PADI1: variants seen among roughly 807,000 people sequenced by gnomAD.
PADI1 encodes protein-arginine deiminase type-1.
PADI1 carries 65 observed loss-of-function variants against 74.8 expected under a neutral mutation model. That is an observed-to-expected ratio of 0.87 (90% CI 0.71 to 1.07). The LOEUF is 1.07. Among genes scored for constraint, PADI1 ranks in the 50% least tolerant of loss-of-function variants. The probability of loss-of-function intolerance (pLI) is 0.00; values close to 1 mark genes in which losing one functional copy is unlikely to be tolerated. For missense variants in PADI1, 943 were observed against 854.0 expected, an observed-to-expected ratio of 1.10 and a Z score of -1.30; for synonymous variants, 371 against 336.2, an observed-to-expected ratio of 1.10 and a Z score of -1.13.
chr1:17,224,501 C>A, intron 4 of PADI1, 73 bp downstream of exon 4: 1 of 1,128,908 alleles, frequency 8.9e-7, no homozygotes, highest in Non-Finnish European at 1.3e-6. Context: ...GTGGATTGTG[C>A]CCTCCCTCCA....
At chr1:17,208,295 G>C (rs943232604) in intron 1 of PADI1, among the ~76,000 whole-genome samples, 1 of 152,124 alleles carries the variant, frequency 6.6e-6, no homozygotes, top group African/African-American at 2.4e-5. Flanking sequence ...CTTGTGTTTG[G>C]GGTAATTGTG....
At chr1:17,233,319 C>T (rs2072548811) in intron 11 of PADI1, among the ~76,000 whole-genome samples, 1 of 152,136 alleles carries the variant, frequency 6.6e-6, no homozygotes, top group South Asian at 2.1e-4. Context: ...TACAGTCTGG[C>T]ACAGAGACAG....
At position 17,244,198 on chromosome 1, in the gene PADI1, G is replaced by C. The variant is rs766172402; in HGVS notation, c.1947G>C (p.Val649=). 6.2e-7 allele frequency: 1 copy of C among 1,614,216 alleles called. No individual in the cohort carries two copies. The highest frequency in any genetic ancestry group is 8.5e-7 in the Non-Finnish European group (1 of 1,180,038). The change falls in exon 16 of 16, where the codon GTG becomes GTC. Residue 649 remains valine, a synonymous_variant. Coordinates refer to ENST00000375471, the MANE Select transcript of PADI1 (RefSeq NM_013358.3). The stretch of plus-strand genomic sequence containing the variant: ...GGGAGATCCACTGTGGCACCAACGT[G>C]CGCAGGAAGCCCTTTCCCTTCAAAT... ...LQGEIHCGTN[V]RRKPFPFKWW...
At chr1:17,242,878 C>A (rs550820704) in intron 15 of PADI1, among the ~76,000 whole-genome samples, 1 of 152,158 alleles carries the variant, frequency 6.6e-6, no homozygotes, top group Admixed American at 6.5e-5. Flanking sequence ...GCCCTTTGCC[C>A]CCTGCATGCC....
intron 1 of PADI1, 28 bp from the exon 2 acceptor site, chr1:17,222,262 T>G (rs1431383851): frequency 1.3e-6 from 2 of 1,567,558 alleles, no homozygotes; most frequent in African/African-American, 2.7e-5. Context: ...GGAAGACTGG[T>G]TCTCTTCCCA....
chr1:17,215,396 GTCATCA>G (rs1341282249), intron 1 of PADI1, among the ~76,000 whole-genome samples: 1 of 135,366 alleles, frequency 7.4e-6, no homozygotes, highest in South Asian at 2.1e-4. Flanking sequence ...CATCATCATC[GTCATCA>G]TCATCATCAT....
rs376247619 is a variant in PADI1, at chr1:17,230,565, C to T, written c.1054-7C>T. On this transcript the variant is annotated splice_polypyrimidine_tract_variant and splice_region_variant and intron_variant, in intron 9 of 15. Transcript: ENST00000375471. Reference sequence around the variant, plus strand: ...TCACTGTGGCTTTTTCATCTCTCCCCTCCCAGGACGAGATGGAGTTTGGCT... The same window carrying T: ...TCACTGTGGCTTTTTCATCTCTCCCTTCCCAGGACGAGATGGAGTTTGGCT... 1.6e-5 allele frequency: 25 copies of T among 1,591,442 alleles called. No homozygotes were observed. Among genetic ancestry groups the T allele is most frequent in the Admixed American group, 5.3e-5 (3 of 56,672 alleles).
In PADI1 at chr1:17,238,060, G is replaced by A. The variant is rs568009937; in HGVS notation, c.1459-556G>A. On this transcript the variant is annotated intron_variant, in intron 12 of 15. Transcript: ENST00000375471. ...TATTTTGTTTGTTTTTTGTTTGTTT[G>A]TTTTTCGAGACAGAATCTTGCTCTG... Among the ~76,000 whole-genome samples, 229 of 152,222 alleles carry A rather than the reference G, an allele frequency of 1.5e-3. 2 individuals are homozygous for A. Among genetic ancestry groups the A allele is most frequent in the Middle Eastern group, 0.01 (3 of 290 alleles).
intron 15 of PADI1, among the ~76,000 whole-genome samples, chr1:17,241,245 G>A (rs1557486168): frequency 6.6e-6 from 1 of 152,216 alleles, no homozygotes; most frequent in African/African-American, 2.4e-5. Flanking sequence ...TAACAGGGCA[G>A]CTGACAAGGA....
chr1:17,209,457 T>C (rs1305251088), intron 1 of PADI1, among the ~76,000 whole-genome samples: 1 of 152,202 alleles, frequency 6.6e-6, no homozygotes, highest in Non-Finnish European at 1.5e-5. Context: ...GGTAGCATTC[T>C]TGAAACATAA....
At chr1:17,237,204 A>C in intron 11 of PADI1, 110 bp from the exon 12 acceptor site, 1 of 1,280,654 alleles carries the variant, frequency 7.8e-7, no homozygotes, top group African/African-American at 1.5e-5. Context: ...CCACGTTTAA[A>C]GCGTTCTTTG....
chr1:17,239,873 C>T, intron 14 of PADI1, 90 bp downstream of exon 14: 3 of 1,040,940 alleles, frequency 2.9e-6, no homozygotes, highest in Non-Finnish European at 2.9e-6. Context: ...AGAGATTCAG[C>T]GCTGGAGCTC....
Position 17,240,683 on chromosome 1 carries a change from G to A in PADI1, c.1681G>A (p.Ala561Thr), listed in dbSNP as rs752194968. Residue 561 changes from alanine to threonine, a missense_variant, in exon 15 of 16, where the codon GCA becomes ACA. Ala to Thr is a moderately conservative substitution (Grantham distance 58, BLOSUM62 0). Transcript: ENST00000375471. ...RNVLKRELGL[A>T]ESDIVDIPQL... Reference sequence around the variant, plus strand: ...TGTGCTGAAGCGGGAGCTGGGCCTGGCAGAGAGTGACATCGTGGACATTCC... The same window carrying A: ...TGTGCTGAAGCGGGAGCTGGGCCTGACAGAGAGTGACATCGTGGACATTCC... 1 of 1,614,182 alleles carries A rather than the reference G, an allele frequency of 6.2e-7. No individual in the cohort carries two copies. Among genetic ancestry groups the A allele is most frequent in the Non-Finnish European group, 8.5e-7 (1 of 1,180,004 alleles).
chr1:17,242,671 T>A (rs1258127919), intron 15 of PADI1, among the ~76,000 whole-genome samples: 1 of 152,186 alleles, frequency 6.6e-6, no homozygotes, highest in African/African-American at 2.4e-5. Context: ...GAACACCCAG[T>A]TAACCCCTTG....
chr1:17,232,843 C>A lies in PADI1; in HGVS notation c.1186C>A (p.Arg396=). 3.1e-6 allele frequency: 5 copies of A among 1,613,290 alleles called. No homozygotes were observed. The highest frequency in any genetic ancestry group is 4.2e-6 in the Non-Finnish European group (5 of 1,179,740). The change falls in exon 11 of 16, where the codon CGG becomes AGG. Residue 396 remains arginine (R), a synonymous_variant. Coordinates refer to ENST00000375471, the MANE Select transcript of PADI1 (RefSeq NM_013358.3). Reference sequence around the variant, plus strand: ...GGGTCCTGACTTTGGATATGTTACCCGGGAGATCCCGCTCCCTGGTCCCTC... The same window carrying A: ...GGGTCCTGACTTTGGATATGTTACCAGGGAGATCCCGCTCCCTGGTCCCTC... ...ILGPDFGYVT[R]EIPLPGPSSL...
At chr1:17,241,373 A>G (rs1030696742) in intron 15 of PADI1, among the ~76,000 whole-genome samples, 3 of 152,258 alleles carry the variant, frequency 2.0e-5, no homozygotes, top group African/African-American at 7.2e-5. Flanking sequence ...GCTGGCAGGG[A>G]TGGTCCCCCG....
intron 2 of PADI1, among the ~76,000 whole-genome samples, chr1:17,222,803 G>A (rs1287608171): frequency 6.6e-6 from 1 of 152,120 alleles, no homozygotes; most frequent in Non-Finnish European, 1.5e-5. Context: ...CAGTGCTCTC[G>A]TGTGGGCAGG....
At chr1:17,212,199 C>T (rs2071850513) in intron 1 of PADI1, among the ~76,000 whole-genome samples, 2 of 152,232 alleles carry the variant, frequency 1.3e-5, no homozygotes, top group African/African-American at 4.8e-5. Context: ...TTGCTGGGCC[C>T]TGCTGCCTGA....
chr1:17,215,092 G>A (rs536806676), intron 1 of PADI1, among the ~76,000 whole-genome samples: 1 of 152,172 alleles, frequency 6.6e-6, no homozygotes, highest in Non-Finnish European at 1.5e-5. Flanking sequence ...CATGCCTGTG[G>A]GAGTGGCCCT....
Sources: gnomAD v4.1 joint callset for allele counts (sites outside exome capture counted in the v4.1 genomes callset) on GRCh38, gnomAD v4.1.1 for gene constraint, MANE v1.5 for transcripts, NCBI Gene and HGNC (gene_info 2026-07-23, HGNC 2026-07-21) for gene names.